ZHX3: variants seen among roughly 807,000 people sequenced by gnomAD.
ZHX3 encodes the protein zinc fingers and homeoboxes 3, also known as zinc fingers and homeoboxes protein 3.
In ZHX3, 20 loss-of-function variants were observed where a neutral mutation model predicts 64.5. The observed-to-expected ratio is 0.31, with a 90% confidence interval of 0.22 to 0.45. The LOEUF (loss-of-function observed/expected upper bound fraction) is 0.45, where lower values mean the gene tolerates loss of function less well. ZHX3 is among the 20% of genes least tolerant of loss of function. The probability of loss-of-function intolerance (pLI) is 1.00; values close to 1 mark genes in which losing one functional copy is unlikely to be tolerated. For missense variants in ZHX3, 1,041 were observed against 1,195.8 expected, an observed-to-expected ratio of 0.87 and a Z score of 1.91; for synonymous variants, 423 against 461.6, an observed-to-expected ratio of 0.92 and a Z score of 1.07.
intron 2 of ZHX3, among the ~76,000 whole-genome samples, chr20:41,207,460 C>T (rs1260628635): frequency 6.6e-6 from 1 of 152,160 alleles, no homozygotes; most frequent in Non-Finnish European, 1.5e-5. Context: ...CACTCCTCAG[C>T]AAATGTAAAA....
At chr20:41,291,442 T>G (rs993123625) in intron 1 of ZHX3, among the ~76,000 whole-genome samples, 1 of 152,192 alleles carries the variant, frequency 6.6e-6, no homozygotes, top group African/African-American at 2.4e-5. Context: ...TGCATCAACT[T>G]TTTAAATCTC....
At chr20:41,270,203 A>G (rs555552191) in intron 1 of ZHX3, among the ~76,000 whole-genome samples, 1 of 150,432 alleles carries the variant, frequency 6.6e-6, no homozygotes, top group African/African-American at 2.4e-5. Context: ...AGCCTGACCA[A>G]CATGGTGAAA....
chr20:41,312,298 A>G (rs1185629255), intron 1 of ZHX3, among the ~76,000 whole-genome samples: 1 of 152,218 alleles, frequency 6.6e-6, no homozygotes, highest in Non-Finnish European at 1.5e-5. Context: ...AATCAGCAGG[A>G]CATGGACAGG....
intron 2 of ZHX3, among the ~76,000 whole-genome samples, chr20:41,234,894 C>T (rs2040862683): frequency 6.6e-6 from 1 of 152,204 alleles, no homozygotes; most frequent in African/African-American, 2.4e-5. Context: ...ACATGAAATA[C>T]AAGAGTTGGT....
chr20:41,225,255 C>T (rs2040188918), intron 2 of ZHX3, among the ~76,000 whole-genome samples: 1 of 152,148 alleles, frequency 6.6e-6, no homozygotes, highest in Non-Finnish European at 1.5e-5. Flanking sequence ...AGGAAGTACA[C>T]AAAATGATTT....
chr20:41,196,257 G>A (rs1317399452), intron 3 of ZHX3, among the ~76,000 whole-genome samples: 2 of 126,664 alleles, frequency 1.6e-5, no homozygotes, highest in Non-Finnish European at 3.2e-5. Flanking sequence ...TTGGAGCTCT[G>A]TTAGGGGTAT....
intron 1 of ZHX3, among the ~76,000 whole-genome samples, chr20:41,304,424 A>T (rs1359400409): frequency 2.0e-5 from 3 of 152,178 alleles, no homozygotes; most frequent in Non-Finnish European, 4.4e-5. Flanking sequence ...CATGGGTGGA[A>T]TTCCAGCTCA....
In ZHX3 at chr20:41,184,838, T is replaced by A. The variant is rs1056947225; in HGVS notation, c.*353A>T. ...CTACGTAATGACAGTGTTGATAATC[T>A]GATGTTTTATTTAACATATAGAGGT... On this transcript the variant is annotated 3_prime_UTR_variant, in exon 4 of 4. Coordinates refer to ENST00000683867, the MANE Select transcript of ZHX3 (RefSeq NM_001384317.1). 7.0e-7 allele frequency: 1 copy of A among 1,422,466 alleles called. No individual in the cohort carries two copies. The highest frequency in any genetic ancestry group is 2.5e-5 in the Admixed American group (1 of 40,710). The allele number at this position is 1,422,466 out of a possible 1,614,324, so 88.1% of individuals were successfully genotyped here.
chr20:41,252,715 A>G (rs924937820), intron 2 of ZHX3, among the ~76,000 whole-genome samples: 2 of 152,172 alleles, frequency 1.3e-5, no homozygotes, highest in African/African-American at 4.8e-5. Flanking sequence ...TTACTTATAT[A>G]TACAATATAT....
chr20:41,297,118 T>C (rs2044571118), intron 1 of ZHX3, among the ~76,000 whole-genome samples: 2 of 152,364 alleles, frequency 1.3e-5, no homozygotes, highest in Middle Eastern at 3.4e-3. Flanking sequence ...GTTCTGTCTA[T>C]AGAATTCCAG....
intron 2 of ZHX3, among the ~76,000 whole-genome samples, chr20:41,266,777 C>T (rs2042876012): frequency 1.3e-5 from 2 of 150,238 alleles, no homozygotes; most frequent in Admixed American, 1.3e-4. Flanking sequence ...GATCTCCTGA[C>T]GTCGTGATCT....
At position 41,184,636 on chromosome 20, in the gene ZHX3, C is replaced by A; in HGVS notation, c.*555G>T. 2.2e-6 allele frequency: 1 copy of A among 449,774 alleles called. No homozygotes were observed. The highest frequency in any genetic ancestry group is 4.0e-6 in the Non-Finnish European group (1 of 247,048). The allele number at this position is 449,774 out of a possible 1,614,324, so 27.9% of individuals were successfully genotyped here. On this transcript the variant is annotated 3_prime_UTR_variant, in exon 4 of 4. Coordinates refer to ENST00000683867, the MANE Select transcript of ZHX3 (RefSeq NM_001384317.1). Reference sequence around the variant, plus strand: ...GAGATCTCTTCAAAGGTACTGCTTCCTTGAGGAACACAAAGGGGGCACAAA... The same window carrying A: ...GAGATCTCTTCAAAGGTACTGCTTCATTGAGGAACACAAAGGGGGCACAAA...
chr20:41,230,047 A>G (rs964464762), intron 2 of ZHX3, among the ~76,000 whole-genome samples: 2 of 152,206 alleles, frequency 1.3e-5, no homozygotes, highest in Non-Finnish European at 2.9e-5. Flanking sequence ...GCATCCTTGT[A>G]AAAAATCATT....
chr20:41,228,276 A>G lies in ZHX3; in HGVS notation c.-150-23210T>C, dbSNP rs1366965606. On this transcript the variant is annotated intron_variant, in intron 2 of 3. Transcript: ENST00000683867. This position sits in a 1 kb window ranked among gnomAD's most constrained non-coding sequence, Gnocchi z 4.6. ...CATTGATCCCTGCAGGTTTTAAAAAACTACATGCATAAATTTCTGGCTCCG... is the reference window on the plus strand; with the variant it reads ...CATTGATCCCTGCAGGTTTTAAAAAGCTACATGCATAAATTTCTGGCTCCG... Among the ~76,000 whole-genome samples, 1 of 152,198 alleles carries G rather than the reference A, an allele frequency of 6.6e-6. No individual in the cohort carries two copies. Among genetic ancestry groups the G allele is most frequent in the East Asian group, 1.9e-4 (1 of 5,186 alleles).
intron 2 of ZHX3, among the ~76,000 whole-genome samples, chr20:41,258,181 T>C (rs1170168109): frequency 2.6e-5 from 4 of 152,072 alleles, no homozygotes; most frequent in Admixed American, 2.6e-4. Flanking sequence ...ATTACAGGAG[T>C]GAGCCACTGC....
At position 41,184,414 on chromosome 20, in the gene ZHX3, AG is replaced by A. The variant is rs1253844010; in HGVS notation, c.*776del. 1 of 154,552 alleles carries A rather than the reference AG, an allele frequency of 6.5e-6. No individual in the cohort carries two copies. Among genetic ancestry groups the A allele is most frequent in the East Asian group, 1.9e-4 (1 of 5,220 alleles). 9.6% of individuals were successfully genotyped at this position (154,552 alleles called of 1,614,324 possible). ...TCTTTAGTTGATCTGATAACTGAAA[AG>A]TTATGGTCCATGATTCAAACTCCCA... On this transcript the variant is annotated 3_prime_UTR_variant, in exon 4 of 4. Transcript: ENST00000683867.
intron 1 of ZHX3, chr20:41,300,165 T>G (rs940654275): frequency 3.3e-5 from 5 of 152,218 alleles, no homozygotes; most frequent in Non-Finnish European, 5.9e-5. Flanking sequence ...AACCCAGAAC[T>G]GTGGAATCAC....
intron 1 of ZHX3, among the ~76,000 whole-genome samples, chr20:41,271,648 TA>T (rs572682307): frequency 6.6e-6 from 1 of 150,966 alleles, no homozygotes; most frequent in Admixed American, 6.6e-5. Context: ...GCCTCATTCA[TA>T]AAAAAAAAGC....
chr20:41,288,511 G>T (rs1343821736), intron 1 of ZHX3, among the ~76,000 whole-genome samples: 5 of 152,178 alleles, frequency 3.3e-5, no homozygotes, highest in African/African-American at 1.2e-4. Flanking sequence ...AAAATGAAAA[G>T]ATCTTGAGAT....
Sources: allele counts gnomAD v4.1 joint callset (sites outside exome capture counted in the v4.1 genomes callset), GRCh38; gene constraint gnomAD v4.1.1; non-coding constraint Gnocchi (gnomAD v3.1); transcripts MANE v1.5; gene names NCBI Gene and HGNC (gene_info 2026-07-23, HGNC 2026-07-21).